CFAP96: variants seen among roughly 807,000 people sequenced by gnomAD.
CFAP96 encodes the protein cilia and flagella associated protein 96.
At chr4:185,425,801 C>G in the CFAP96 span, 1 of 1,575,980 alleles carries the variant, frequency 6.3e-7, no homozygotes, top group East Asian at 2.3e-5. Context: ...CTGTGAAGCC[C>G]GCTCGTGGCG....
the CFAP96 span, chr4:185,440,432 G>A: frequency 2.0e-5 from 14 of 696,498 alleles, no homozygotes; most frequent in East Asian, 4.7e-4. Flanking sequence ...ACACCCAGCA[G>A]GATAGATTTA....
the CFAP96 span, among the ~76,000 whole-genome samples, chr4:185,436,712 A>AAATAATAATAATAATAAT: frequency 0.012 from 1,770 of 144,086 alleles, 22 homozygotes; most frequent in East Asian, 0.034. Flanking sequence ...TCCGTCTCAA[A>AAATAATAATAATAATAAT]AATAATAATA....
the CFAP96 span, chr4:185,426,062 A>G: frequency 1.6e-6 from 1 of 627,362 alleles, no homozygotes; most frequent in African/African-American, 1.8e-5. Flanking sequence ...CGGGGCGGGT[A>G]GCCGAAGACT....
At chr4:185,436,306 A>G in the CFAP96 span, 1 of 1,551,140 alleles carries the variant, frequency 6.4e-7, no homozygotes, top group Non-Finnish European at 8.7e-7. Flanking sequence ...TACCATAGGT[A>G]AACAGTTTTC....
the CFAP96 span, chr4:185,445,074 A>T: frequency 6.4e-7 from 1 of 1,551,664 alleles, no homozygotes. Context: ...TTTTCCACCC[A>T]CCAAGTGGAC....
the CFAP96 span, among the ~76,000 whole-genome samples, chr4:185,445,871 C>T: frequency 8.2e-4 from 125 of 152,114 alleles, no homozygotes; most frequent in African/African-American, 2.8e-3. Context: ...GACGGAGTTT[C>T]GCTCTTATTG....
chr4:185,429,931 G>A, the CFAP96 span, among the ~76,000 whole-genome samples: 20 of 152,284 alleles, frequency 1.3e-4, no homozygotes, highest in African/African-American at 4.1e-4. Flanking sequence ...TCAGCGTGCC[G>A]TAGTGCTGGG....
the CFAP96 span, chr4:185,440,670 A>C: frequency 6.6e-7 from 1 of 1,505,012 alleles, no homozygotes; most frequent in Non-Finnish European, 9.0e-7. Flanking sequence ...AAAGAAGAGA[A>C]GAAGAAAACA....
At chr4:185,430,202 A>C in the CFAP96 span, among the ~76,000 whole-genome samples, 4 of 152,210 alleles carry the variant, frequency 2.6e-5, no homozygotes, top group African/African-American at 4.8e-5. Flanking sequence ...TGGCTGAGGG[A>C]TTTTTACAAA....
At chr4:185,425,213 G>A in the CFAP96 span, among the ~76,000 whole-genome samples, 1 of 152,198 alleles carries the variant, frequency 6.6e-6, no homozygotes. Context: ...ACAACAGGAT[G>A]TATGGTGGTG....
chr4:185,437,144 G>A, the CFAP96 span, among the ~76,000 whole-genome samples: 1 of 152,192 alleles, frequency 6.6e-6, no homozygotes, highest in African/African-American at 2.4e-5. Flanking sequence ...AAAGGTGGAG[G>A]TGAGAGAATG....
At chr4:185,434,178 C>T in the CFAP96 span, among the ~76,000 whole-genome samples, 1 of 151,644 alleles carries the variant, frequency 6.6e-6, no homozygotes, top group Non-Finnish European at 1.5e-5. Flanking sequence ...GAGACTGCAC[C>T]ACTGCACTGC....
the CFAP96 span, chr4:185,415,814 A>G: frequency 6.2e-7 from 1 of 1,613,776 alleles, no homozygotes; most frequent in Non-Finnish European, 8.5e-7. Context: ...TGGGCGTTAC[A>G]GCTGCCAGGG....
the CFAP96 span, among the ~76,000 whole-genome samples, chr4:185,431,483 A>G: frequency 2.0e-5 from 3 of 152,228 alleles, no homozygotes; most frequent in Admixed American, 6.5e-5. Context: ...GTTTTTGATT[A>G]TTATGAATAA....
the CFAP96 span, among the ~76,000 whole-genome samples, chr4:185,409,531 A>G: frequency 2.6e-4 from 40 of 152,122 alleles, no homozygotes; most frequent in Middle Eastern, 3.2e-3. Flanking sequence ...GAGAGGAGAT[A>G]GGGACAAGAT....
chr4:185,422,531 T>C, the CFAP96 span: 3 of 1,611,810 alleles, frequency 1.9e-6, no homozygotes, highest in Non-Finnish European at 2.5e-6. Flanking sequence ...CTCCTCTTAT[T>C]CTGAAGAGTA....
the CFAP96 span, among the ~76,000 whole-genome samples, chr4:185,409,886 G>C: frequency 6.6e-6 from 1 of 152,118 alleles, no homozygotes; most frequent in African/African-American, 2.4e-5. Flanking sequence ...ACAAACCAAA[G>C]GATGCTGGCA....
chr4:185,427,392 T>C, the CFAP96 span, among the ~76,000 whole-genome samples: 1 of 152,238 alleles, frequency 6.6e-6, no homozygotes, highest in Non-Finnish European at 1.5e-5. Flanking sequence ...TGTTACGTAT[T>C]AGCAATGATT....
At chr4:185,435,506 T>A in the CFAP96 span, among the ~76,000 whole-genome samples, 1 of 152,232 alleles carries the variant, frequency 6.6e-6, no homozygotes, top group African/African-American at 2.4e-5. Context: ...AATACTTTGA[T>A]GATTTTACAT....
Sources: allele counts gnomAD v4.1 joint callset (sites outside exome capture counted in the v4.1 genomes callset), GRCh38; gene constraint gnomAD v4.1.1; transcripts MANE v1.5; gene names NCBI Gene and HGNC (gene_info 2026-07-23, HGNC 2026-07-21).